The following FAM78B variants were observed in gnomAD, a reference collection of about 807,000 sequenced individuals.
FAM78B encodes family with sequence similarity 78 member B.
FAM78B carries 10 observed loss-of-function variants against 20.0 expected under a neutral mutation model. The ratio of observed to expected loss-of-function variants is 0.50; its 90% CI spans 0.31 to 0.85. FAM78B has a LOEUF of 0.85. FAM78B is among the 40% of genes least tolerant of loss of function. The probability of loss-of-function intolerance (pLI) is 0.05; values close to 1 mark genes in which losing one functional copy is unlikely to be tolerated. For synonymous variants in FAM78B, 135 were observed against 132.8 expected (o/e 1.02, Z -0.12); for missense variants, 283 against 345.0 (o/e 0.82, Z 1.42).
intron 1 of FAM78B, among the ~76,000 whole-genome samples, chr1:166,093,751 T>A (rs922638722): frequency 1.9e-4 from 27 of 141,672 alleles, no homozygotes; most frequent in African/African-American, 6.7e-4. Flanking sequence ...TGGGAAACAC[T>A]TTTTTTTTTT....
At chr1:166,088,950 C>T (rs1011517934) in intron 1 of FAM78B, among the ~76,000 whole-genome samples, 1 of 152,200 alleles carries the variant, frequency 6.6e-6, no homozygotes, top group African/African-American at 2.4e-5. Context: ...TCACACCACA[C>T]TCCCCCATGC....
chr1:166,109,689 T>C (rs549425415), intron 1 of FAM78B, among the ~76,000 whole-genome samples: 31 of 150,402 alleles, frequency 2.1e-4, no homozygotes, highest in African/African-American at 7.3e-4. Flanking sequence ...GAGTCATTAT[T>C]TGAAAAATAT....
At chr1:166,108,516 T>C (rs528952573) in intron 1 of FAM78B, among the ~76,000 whole-genome samples, 5 of 152,138 alleles carry the variant, frequency 3.3e-5, no homozygotes, top group South Asian at 2.1e-4. Flanking sequence ...ATAGATGACA[T>C]GAACAAATGG....
intron 1 of FAM78B, among the ~76,000 whole-genome samples, chr1:166,077,872 AATT>A (rs1652367812): frequency 2.5e-4 from 1 of 3,972 alleles, no homozygotes; most frequent in African/African-American, 3.8e-4. Flanking sequence ...TTATATATAT[AATT>A]ATATATATAA....
chr1:166,058,536 T>TGTGC (rs59628871), exon 3 of FAM78B: 1 of 147,034 alleles, frequency 6.8e-6, no homozygotes, highest in African/African-American at 2.6e-5. Flanking sequence ...TGTGTGTGTG[T>TGTGC]AGTGTGTCTA....
chr1:166,100,968 T>G (rs1653489342), intron 1 of FAM78B, among the ~76,000 whole-genome samples: 2 of 152,200 alleles, frequency 1.3e-5, no homozygotes, highest in Admixed American at 6.5e-5. Flanking sequence ...ACACCTCACA[T>G]GGCCAGGTAC....
chr1:166,077,840 TATATATAATAA>T (rs1652355736), intron 1 of FAM78B, among the ~76,000 whole-genome samples: 1 of 91,866 alleles, frequency 1.1e-5, no homozygotes, highest in South Asian at 3.8e-4. Flanking sequence ...ATATAATTTA[TATATATAATAA>T]TATATATAAT....
chr1:166,092,898 G>A (rs570972086), intron 1 of FAM78B, among the ~76,000 whole-genome samples: 23 of 152,278 alleles, frequency 1.5e-4, no homozygotes, highest in African/African-American at 5.3e-4. Flanking sequence ...TTGGTTAGGT[G>A]GATATGATCA....
intron 1 of FAM78B, among the ~76,000 whole-genome samples, chr1:166,143,746 T>C (rs1318685956): frequency 6.6e-6 from 1 of 151,812 alleles, no homozygotes; most frequent in African/African-American, 2.4e-5. Context: ...GAAGCAGAGA[T>C]CTGAGAAAGA....
chr1:166,145,507 G>A (rs1423793792), intron 1 of FAM78B, among the ~76,000 whole-genome samples: 2 of 152,194 alleles, frequency 1.3e-5, no homozygotes, highest in African/African-American at 4.8e-5. Flanking sequence ...GGCCTGCAAG[G>A]TACAGGATAT....
At chr1:166,092,039 T>C (rs1055674661) in intron 1 of FAM78B, among the ~76,000 whole-genome samples, 1 of 149,716 alleles carries the variant, frequency 6.7e-6, no homozygotes, top group Non-Finnish European at 1.5e-5. Context: ...ATCATTTTTT[T>C]TTTTTTTTTT....
At chr1:166,090,105 C>T (rs1327729115) in intron 1 of FAM78B, among the ~76,000 whole-genome samples, 2 of 152,162 alleles carry the variant, frequency 1.3e-5, no homozygotes, top group Non-Finnish European at 2.9e-5. Context: ...GAGGTTCCTA[C>T]CCAGGTCAGT....
intron 1 of FAM78B, among the ~76,000 whole-genome samples, chr1:166,120,970 C>T (rs765589030): frequency 1.8e-4 from 27 of 152,234 alleles, no homozygotes; most frequent in Non-Finnish European, 3.2e-4. Context: ...ACTATCACTT[C>T]TGGATGTTGT....
At chr1:166,165,116 A>T (rs887333988) in intron 1 of FAM78B, 1 of 152,192 alleles carries the variant, frequency 6.6e-6, no homozygotes, top group African/African-American at 2.4e-5. Flanking sequence ...GCGCGCACCA[A>T]CCGGCGCTGC....
At chr1:166,063,594 C>T (rs936430390) in intron 2 of FAM78B, among the ~76,000 whole-genome samples, 2 of 152,110 alleles carry the variant, frequency 1.3e-5, no homozygotes, top group Admixed American at 6.5e-5. Context: ...GATCCTAGTG[C>T]CTGCTTGGCT....
intron 1 of FAM78B, among the ~76,000 whole-genome samples, chr1:166,075,305 G>A (rs1466783154): frequency 6.6e-6 from 1 of 152,160 alleles, no homozygotes; most frequent in East Asian, 1.9e-4. Context: ...GACAGGAGGT[G>A]TCACATATAA....
chr1:166,161,697 G>A (rs1344269288), intron 1 of FAM78B, among the ~76,000 whole-genome samples: 1 of 152,194 alleles, frequency 6.6e-6, no homozygotes, highest in African/African-American at 2.4e-5. Context: ...TGATGGGCTG[G>A]ATGTGTGGGG....
At chr1:166,056,119 G>A (rs1442419302), downstream of FAM78B, among the ~76,000 whole-genome samples, 2 of 152,144 alleles carry the variant, frequency 1.3e-5, no homozygotes, top group African/African-American at 4.8e-5. Flanking sequence ...GTCTTAGTTA[G>A]ACATATGTAT....
At position 166,153,845 on chromosome 1, in the gene FAM78B, C is replaced by G. The variant is rs542102908; in HGVS notation, c.263+12141G>C. ...CCTCTGCAGTCCTCCCTCTATACCC[C>G]CCTTAGATCCCAACAAGGGCAAAGC... On this transcript the variant is annotated intron_variant, in intron 1 of 1. Transcript: ENST00000354422. Among the ~76,000 whole-genome samples the G allele has an allele frequency of 8.5e-5, 13 of 152,266 alleles. 1 individual carries two copies. In the South Asian group the frequency reaches 2.5e-3, roughly 29 times the overall value.
Sources: allele counts gnomAD v4.1 joint callset (sites outside exome capture counted in the v4.1 genomes callset), GRCh38; gene constraint gnomAD v4.1.1; transcripts MANE v1.5; gene names NCBI Gene and HGNC (gene_info 2026-07-23, HGNC 2026-07-21).